The following TGM3 variants were observed in gnomAD, a reference collection of about 807,000 sequenced individuals.
TGM3 encodes protein-glutamine gamma-glutamyltransferase E.
In TGM3, 52 loss-of-function variants were observed where a neutral mutation model predicts 73.8. The ratio of observed to expected loss-of-function variants is 0.70; its 90% CI spans 0.56 to 0.89. TGM3 has a LOEUF of 0.89. TGM3 is among the 40% of genes least tolerant of loss of function. TGM3 has a pLI of 0.00. For missense variants in TGM3, 928 were observed against 909.9 expected (o/e 1.02, Z -0.26); for synonymous variants, 372 against 354.9 (o/e 1.05, Z -0.54).
Position 2,317,121 on chromosome 20 carries a change from C to A in TGM3, c.723C>A (p.Tyr241Ter), listed in dbSNP as rs778149389. The A allele has an allele frequency of 6.2e-7, 1 of 1,613,850 alleles. No homozygotes were observed. The highest frequency in any genetic ancestry group is 1.3e-5 in the African/African-American group (1 of 74,896). The change falls in exon 6 of 13, where the codon TAC (tyrosine) becomes TAA (stop). Residue 241 changes from tyrosine to a stop codon, truncating the protein, a stop_gained. Coordinates refer to ENST00000381458, the MANE Select transcript of TGM3 (RefSeq NM_003245.4). LOFTEE classifies it high-confidence loss of function. ...GVLAGNWSGT[Y>*]TGGRDPRSWN... ...TTGCTGGGAATTGGAGCGGCACTTA[C>A]ACCGGTGGCCGGGACCCAAGGAGCT...
Position 2,325,851 on chromosome 20 carries a change from AT to A in TGM3, c.989del (p.Phe330SerfsTer10), listed in dbSNP as rs2084284368. On this transcript the variant is annotated frameshift_variant, in exon 8 of 13. Coordinates refer to ENST00000381458, the MANE Select transcript of TGM3 (RefSeq NM_003245.4). LOFTEE classifies it high-confidence loss of function. ...PLDKGSDSVW[N>X]FHVWNEGWFV... ...GCAGTCTCTGGTTCTATCTGCAGGA[AT>A]TTCCATGTCTGGAATGAAGGCTGGT... 1 of 1,558,064 alleles carries A rather than the reference AT, an allele frequency of 6.4e-7. No homozygotes were observed. The highest frequency in any genetic ancestry group is 1.4e-5 in the African/African-American group (1 of 73,374).
In TGM3 at chr20:2,312,978, G is replaced by C. The variant is rs2084214980; in HGVS notation, c.621G>C (p.Val207=). ...TCCGCCGTGACGCTGCTACTGATGT[G>C]GCCAGCAGAAATGACCCCAAATACG... ...LNFRRDAATD[V]ASRNDPKYVG... The change falls in exon 5 of 13, where the codon GTG becomes GTC. Residue 207 remains valine, a synonymous_variant. Transcript: ENST00000381458. The C allele has an allele frequency of 6.2e-7, 1 of 1,614,078 alleles. No individual in the cohort carries two copies. The highest frequency in any genetic ancestry group is 1.3e-5 in the African/African-American group (1 of 74,932).
At chr20:2,323,899 G>A (rs73891956) in intron 7 of TGM3, among the ~76,000 whole-genome samples, 78 of 152,192 alleles carry the variant, frequency 5.1e-4, no homozygotes, top group African/African-American at 1.7e-3. Flanking sequence ...CTATTTATGG[G>A]CATGTTTTTC....
In TGM3 at chr20:2,309,948, T is replaced by C. The variant is rs1246484939; in HGVS notation, c.181+118T>C. 5.5e-6 allele frequency: 8 copies of C among 1,455,656 alleles called. No individual in the cohort carries two copies. In the East Asian group the frequency reaches 1.8e-4, roughly 33 times the overall value. The allele number at this position is 1,455,656 out of a possible 1,614,324, so 90.2% of individuals were successfully genotyped here. A position where few individuals can be genotyped will look rare whatever the true frequency, so the allele number is the denominator to read the frequency against. On this transcript the variant is annotated intron_variant, in intron 2 of 12. Transcript: ENST00000381458. ...GGCATTGGGTTCTAGCCTTGCTCTG[T>C]CATTGATTCAGTGTGGCCTTGGGCA... is the stretch of plus-strand genomic sequence containing the variant.
chr20:2,302,591 C>T (rs2084154398), intron 1 of TGM3, among the ~76,000 whole-genome samples: 1 of 151,848 alleles, frequency 6.6e-6, no homozygotes, highest in African/African-American at 2.4e-5. Context: ...TATGGCCCTG[C>T]ATGGTCTAAG....
intron 5 of TGM3, 133 bp from the exon 6 acceptor site, chr20:2,316,935 G>T: frequency 1.9e-6 from 2 of 1,064,802 alleles, no homozygotes; most frequent in Non-Finnish European, 2.8e-6. Context: ...CACCTAGAAA[G>T]ACAAAGAAAA....
In TGM3 at chr20:2,339,848, C is replaced by A. The variant is rs4097062; in HGVS notation, c.1801-6C>A. On this transcript the variant is annotated splice_polypyrimidine_tract_variant and splice_region_variant and intron_variant, in intron 11 of 12. Transcript: ENST00000381458. ...GTCCTGACTCGGCAGCCCCTCTCCC[C>A]CATAGGTGCTGAACGAGGCTCGTGT... The A allele has an allele frequency of 7.3e-3, 11,703 of 1,613,924 alleles. 710 individuals carry two copies. In the African/African-American group the frequency reaches 0.13, roughly 18 times the overall value.
intron 1 of TGM3, among the ~76,000 whole-genome samples, chr20:2,297,685 A>T (rs887734894): frequency 6.6e-6 from 1 of 152,228 alleles, no homozygotes; most frequent in African/African-American, 2.4e-5. Flanking sequence ...GAATACATTC[A>T]GTCCCTTAAA....
chr20:2,302,680 G>T (rs1237175407), intron 1 of TGM3, among the ~76,000 whole-genome samples: 3 of 127,668 alleles, frequency 2.3e-5, no homozygotes, highest in Non-Finnish European at 4.8e-5. Context: ...ACAGGCAAAG[G>T]GCATTTGCCA....
In TGM3 at chr20:2,317,094, G is replaced by T; in HGVS notation, c.696G>T (p.Val232=). 3 of 1,613,882 alleles carry T rather than the reference G, an allele frequency of 1.9e-6. No homozygotes were observed. The highest frequency in any genetic ancestry group is 2.2e-5 in the East Asian group (1 of 44,894). The change falls in exon 6 of 13, where the codon GTG becomes GTT. Residue 232 remains valine, a synonymous_variant. Transcript: ENST00000381458. Reference sequence around the variant, plus strand: ...TCAATAGCAATGATGACAATGGTGTGCTTGCTGGGAATTGGAGCGGCACTT... The same window carrying T: ...TCAATAGCAATGATGACAATGGTGTTCTTGCTGGGAATTGGAGCGGCACTT... The part of the protein sequence containing the change: ...AMINSNDDNG[V]LAGNWSGTYT...
intron 9 of TGM3, among the ~76,000 whole-genome samples, chr20:2,330,756 A>G (rs1489995033): frequency 1.3e-5 from 2 of 152,162 alleles, no homozygotes; most frequent in African/African-American, 4.8e-5. Flanking sequence ...CTGTAATCCC[A>G]GCACTTTGAG....
chr20:2,297,792 C>G (rs970148596), intron 1 of TGM3, among the ~76,000 whole-genome samples: 3 of 152,104 alleles, frequency 2.0e-5, no homozygotes, highest in Non-Finnish European at 4.4e-5. Context: ...TCACTGAACA[C>G]CTAAGGGAGA....
At chr20:2,307,840 T>C (rs750726327) in intron 1 of TGM3, among the ~76,000 whole-genome samples, 12 of 152,198 alleles carry the variant, frequency 7.9e-5, no homozygotes, top group African/African-American at 1.2e-4. Context: ...TATTAGTCTT[T>C]TCTTTCTTTG....
At chr20:2,303,096 C>T (rs1028439154) in intron 1 of TGM3, among the ~76,000 whole-genome samples, 1 of 151,964 alleles carries the variant, frequency 6.6e-6, no homozygotes, top group Non-Finnish European at 1.5e-5. Flanking sequence ...GTCGGGAGTT[C>T]GACAACAGGA....
At position 2,325,849 on chromosome 20, in the gene TGM3, G is replaced by C; in HGVS notation, c.984G>C (p.Trp328Cys). 6.4e-7 allele frequency: 1 copy of C among 1,556,492 alleles called. No homozygotes were observed. Among genetic ancestry groups the C allele is most frequent in the Non-Finnish European group, 8.7e-7 (1 of 1,148,508 alleles). ...NPLDKGSDSV[W>C]NFHVWNEGWF... Reference sequence around the variant, plus strand: ...CTGCAGTCTCTGGTTCTATCTGCAGGAATTTCCATGTCTGGAATGAAGGCT... The same window carrying C: ...CTGCAGTCTCTGGTTCTATCTGCAGCAATTTCCATGTCTGGAATGAAGGCT... The change falls in exon 8 of 13, where the codon TGG becomes TGC. Residue 328 changes from tryptophan (W) to cysteine (C), a missense_variant and splice_region_variant. Physicochemically the swap from Trp to Cys is radical, Grantham distance 215. Coordinates refer to ENST00000381458, the MANE Select transcript of TGM3 (RefSeq NM_003245.4).
rs1421634132 is a variant in TGM3 at position 2,334,604 on chromosome 20, T to A, written c.1643-512T>A. ...ATTGTGTTACTGTCATGATTGCTAC[T>A]GTTGTTGGCAATCAGGTGGCATTTG... is the stretch of plus-strand genomic sequence containing the variant. On this transcript the variant is annotated intron_variant, in intron 10 of 12. Transcript: ENST00000381458. The surrounding 1 kb of genome is among the most constrained non-coding windows in gnomAD (Gnocchi z 4.0). Among the ~76,000 whole-genome samples the A allele has an allele frequency of 6.6e-6, 1 of 152,132 alleles. No individual in the cohort carries two copies. The highest frequency in any genetic ancestry group is 1.9e-4 in the East Asian group (1 of 5,176).
Position 2,314,729 on chromosome 20 carries a change from A to T in TGM3, c.669+1703A>T, listed in dbSNP as rs574535281. Among the ~76,000 whole-genome samples, 6 of 152,302 alleles carry T rather than the reference A, an allele frequency of 3.9e-5. No homozygotes were observed. The South Asian group carries it at 1.2e-3, about 32-fold the overall frequency. ...CAGCAAAAGCCTATCTCCAAAAAAA[A>T]AGGCGAAAAGTCAAAGTGAATTCTT... On this transcript the variant is annotated intron_variant, in intron 5 of 12. Transcript: ENST00000381458.
rs111464324 is a variant in TGM3, at chr20:2,311,036, C to G, written c.447C>G (p.His149Gln). The change falls in exon 4 of 13, where the codon CAC becomes CAG. Residue 149 changes from histidine to glutamine, a missense_variant. Transcript: ENST00000381458. ...LNVDSVFMGN[H>Q]AEREEYVQED... ...TGGATAGCGTCTTTATGGGTAACCA[C>G]GCTGAGAGAGAAGAGTATGTTCAGG... The G allele has an allele frequency of 1.9e-6, 3 of 1,614,010 alleles. No homozygotes were observed. Among genetic ancestry groups the G allele is most frequent in the East Asian group, 2.2e-5 (1 of 44,878 alleles).
At chr20:2,331,235 T>C (rs964266092) in intron 9 of TGM3, among the ~76,000 whole-genome samples, 4 of 152,086 alleles carry the variant, frequency 2.6e-5, no homozygotes, top group Non-Finnish European at 4.4e-5. Flanking sequence ...CAGTCAGCCC[T>C]GGCTCAGAGG....
Sources: gnomAD v4.1 joint callset for allele counts (sites outside exome capture counted in the v4.1 genomes callset) on GRCh38, gnomAD v4.1.1 for gene constraint, Gnocchi (gnomAD v3.1) non-coding constraint, MANE v1.5 for transcripts, NCBI Gene and HGNC (gene_info 2026-07-23, HGNC 2026-07-21) for gene names.